Variants in SH3RF3 observed in about 807,000 individuals in gnomAD.
SH3RF3 encodes the protein SH3 domain containing ring finger 3, also known as E3 ubiquitin-protein ligase SH3RF3.
Under a neutral mutation model 66.3 loss-of-function variants are expected in SH3RF3, and 29 were observed. That is an observed-to-expected ratio of 0.44 (90% CI 0.33 to 0.60). The LOEUF is 0.60. Ranked by LOEUF, SH3RF3 falls within the 20% of genes least tolerant of loss-of-function variation. The pLI, the probability that SH3RF3 is intolerant of heterozygous loss-of-function variation, is 0.04. For missense variants in SH3RF3, 1,194 were observed against 1,190.9 expected, an observed-to-expected ratio of 1.00 and a Z score of -0.04; for synonymous variants, 583 against 532.0, an observed-to-expected ratio of 1.10 and a Z score of -1.32.
intron 1 of SH3RF3, among the ~76,000 whole-genome samples, chr2:109,162,878 C>CA (rs2104914048): frequency 2.0e-5 from 1 of 50,576 alleles, no homozygotes; most frequent in South Asian, 9.6e-4. Flanking sequence ...GAGATGATTA[C>CA]CAAAAAAACC....
chr2:109,291,732 C>T (rs908501303), intron 1 of SH3RF3, among the ~76,000 whole-genome samples: 11 of 152,192 alleles, frequency 7.2e-5, no homozygotes, highest in Non-Finnish European at 1.2e-4. Flanking sequence ...CAGGCTTATC[C>T]GCAGGTTTCA....
intron 8 of SH3RF3, among the ~76,000 whole-genome samples, chr2:109,475,185 G>A (rs1178340715): frequency 6.6e-6 from 1 of 152,086 alleles, no homozygotes; most frequent in Non-Finnish European, 1.5e-5. Flanking sequence ...CACCATGTTG[G>A]CTAGGATGGT....
In SH3RF3 at chr2:109,129,932, C is replaced by G; in HGVS notation, c.392C>G (p.Pro131Arg). The G allele has an allele frequency of 6.7e-7, 1 of 1,481,800 alleles. No homozygotes were observed. Among genetic ancestry groups the G allele is most frequent in the Non-Finnish European group, 8.9e-7 (1 of 1,123,006 alleles). 91.8% of individuals were successfully genotyped at this position (1,481,800 alleles called of 1,614,324 possible). ...CAGCGGCCCCGCGCGGGCACCAGCC[C>G]CGGCGGCAGCCCGCCCGCGCGTCCC... The part of the protein sequence containing the change: ...IRQRPRAGTS[P>R]GGSPPARPIP... The change falls in exon 1 of 10, where the codon CCC becomes CGC. Residue 131 changes from proline to arginine, a missense_variant. Coordinates refer to ENST00000309415, the MANE Select transcript of SH3RF3 (RefSeq NM_001099289.3).
chr2:109,497,626 C>G (rs1380136444), intron 9 of SH3RF3, among the ~76,000 whole-genome samples: 2 of 152,158 alleles, frequency 1.3e-5, no homozygotes, highest in Admixed American at 6.5e-5. Context: ...CAACGGCGCT[C>G]TGTGTCTATA....
intron 3 of SH3RF3, among the ~76,000 whole-genome samples, chr2:109,387,422 TATTTCTGCCC>T (rs1177507464): frequency 8.5e-5 from 13 of 152,116 alleles, no homozygotes; most frequent in African/African-American, 3.1e-4. Flanking sequence ...ACCCCCACCT[TATTTCTGCCC>T]ATGTGTCTGC....
At chr2:109,400,086 A>T (rs1197078079) in intron 4 of SH3RF3, among the ~76,000 whole-genome samples, 2 of 152,220 alleles carry the variant, frequency 1.3e-5, no homozygotes, top group African/African-American at 4.8e-5. Context: ...GAACTGTCTT[A>T]TTCAAAATCA....
chr2:109,405,534 G>C (rs980682616), intron 4 of SH3RF3, among the ~76,000 whole-genome samples: 1 of 152,086 alleles, frequency 6.6e-6, no homozygotes, highest in East Asian at 1.9e-4. Flanking sequence ...ATTTCTCCCC[G>C]AAACTGCCGT....
rs35149686 is a variant in SH3RF3 at position 109,229,826 on chromosome 2, C to CT, written c.573+99729dup. 1.3e-3 allele frequency among the ~76,000 whole-genome samples: 168 copies of CT among 130,000 alleles called. 1 individual carries two copies. Among genetic ancestry groups the CT allele is most frequent in the South Asian group, 2.3e-3 (9 of 3,942 alleles). The allele number at this position is 130,000 out of a possible 152,430, so 85.3% of individuals were successfully genotyped here. ...GATTTTTTTTCTTTTCTTTTTCTTT[C>CT]TTTTTTTTTTTTTTTTGAGGCGGAG... On this transcript the variant is annotated intron_variant, in intron 1 of 9. Transcript: ENST00000309415.
chr2:109,394,827 C>T (rs928127196), intron 3 of SH3RF3, among the ~76,000 whole-genome samples: 3 of 152,230 alleles, frequency 2.0e-5, no homozygotes, highest in Admixed American at 1.3e-4. Flanking sequence ...GGCTTCCCTG[C>T]AGCATGGAGG....
chr2:109,346,180 G>A (rs1417530128), intron 1 of SH3RF3, among the ~76,000 whole-genome samples: 1 of 152,032 alleles, frequency 6.6e-6, no homozygotes, highest in Non-Finnish European at 1.5e-5. Flanking sequence ...GGAAGCAAAC[G>A]GATTTTTTTT....
intron 1 of SH3RF3, among the ~76,000 whole-genome samples, chr2:109,255,731 G>T (rs1680207586): frequency 6.6e-6 from 1 of 152,190 alleles, no homozygotes; most frequent in Non-Finnish European, 1.5e-5. Flanking sequence ...TTTCCGATAA[G>T]CTACTTCTAG....
At chr2:109,259,881 C>T (rs778676746) in intron 1 of SH3RF3, among the ~76,000 whole-genome samples, 1 of 152,148 alleles carries the variant, frequency 6.6e-6, no homozygotes, top group Non-Finnish European at 1.5e-5. Context: ...GTGGGGATGG[C>T]TCTGGAAACT....
At chr2:109,467,961 G>A (rs1402953814) in intron 8 of SH3RF3, among the ~76,000 whole-genome samples, 1 of 152,174 alleles carries the variant, frequency 6.6e-6, no homozygotes, top group Admixed American at 6.5e-5. Context: ...CGGGCTGCTG[G>A]GTCAGAGGCA....
intron 8 of SH3RF3, among the ~76,000 whole-genome samples, chr2:109,469,130 T>C (rs1559099996): frequency 6.6e-6 from 1 of 152,212 alleles, no homozygotes; most frequent in Non-Finnish European, 1.5e-5. Context: ...GCCATGCCTT[T>C]CTTCTCCACC....
chr2:109,287,417 T>A (rs1229682532), intron 1 of SH3RF3, among the ~76,000 whole-genome samples: 1 of 152,132 alleles, frequency 6.6e-6, no homozygotes, highest in African/African-American at 2.4e-5. Context: ...CAGTGACATA[T>A]AAAATCTTTT....
chr2:109,289,997 G>C (rs758181797), intron 1 of SH3RF3, among the ~76,000 whole-genome samples: 4 of 152,180 alleles, frequency 2.6e-5, no homozygotes, highest in Non-Finnish European at 5.9e-5. Flanking sequence ...CAGACCACTG[G>C]GGGGACCTTG....
At chr2:109,493,857 C>T (rs542392730) in intron 9 of SH3RF3, among the ~76,000 whole-genome samples, 5 of 152,250 alleles carry the variant, frequency 3.3e-5, no homozygotes, top group African/African-American at 1.2e-4. Flanking sequence ...AATACAAACA[C>T]ATATTCAGAC....
rs377528833 is a variant in SH3RF3, at chr2:109,371,654, C to G, written c.918C>G (p.Ile306Met). Residue 306 changes from isoleucine (I) to methionine (M), a missense_variant, in exon 3 of 10, where the codon ATC (isoleucine) becomes ATG (methionine). Coordinates refer to ENST00000309415, the MANE Select transcript of SH3RF3 (RefSeq NM_001099289.3). ...NWAEGMLGDK[I>M]GIFPLLYVEL... ...CGGAAGGCATGCTGGGAGACAAGAT[C>G]GGGATCTTCCCGCTCCTGTACGTGG... 6.2e-7 allele frequency: 1 copy of G among 1,613,786 alleles called. No homozygotes were observed. The highest frequency in any genetic ancestry group is 8.5e-7 in the Non-Finnish European group (1 of 1,179,876).
At chr2:109,314,737 A>T (rs537380777) in intron 1 of SH3RF3, among the ~76,000 whole-genome samples, 27 of 152,360 alleles carry the variant, frequency 1.8e-4, no homozygotes, top group African/African-American at 5.5e-4. Context: ...AATATCCACC[A>T]GCCAATTTCT....
Sources: gnomAD v4.1 joint callset for allele counts (sites outside exome capture counted in the v4.1 genomes callset) on GRCh38, gnomAD v4.1.1 for gene constraint, MANE v1.5 for transcripts, NCBI Gene and HGNC (gene_info 2026-07-23, HGNC 2026-07-21) for gene names.